Variants in BCL2L1 observed in about 807,000 individuals in gnomAD.
BCL2L1 encodes the protein BCL2 like 1, also known as bcl-2-like protein 1.
A neutral mutation model predicts 18.7 loss-of-function variants in BCL2L1; 1 was observed. The ratio of observed to expected loss-of-function variants is 0.05; its 90% CI spans 0.02 to 0.25. BCL2L1 has a LOEUF of 0.25. Among genes scored for constraint, BCL2L1 ranks in the 10% least tolerant of loss-of-function variants. The pLI, the probability that BCL2L1 is intolerant of heterozygous loss-of-function variation, is 1.00. For synonymous variants in BCL2L1, 103 were observed against 122.7 expected (o/e 0.84, Z 1.06); for missense variants, 207 against 304.9 (o/e 0.68, Z 2.39).
At position 31,664,916 on chromosome 20, in the gene BCL2L1, T is replaced by G. The variant is rs2060564772; in HGVS notation, c.*1033A>C. ...GCTGGACAGGCATGGGGCACAGATC[T>G]GCCTGGCCAGGCAGGACTGGCCCTT... is the stretch of plus-strand genomic sequence containing the variant. On this transcript the variant is annotated 3_prime_UTR_variant, in exon 3 of 3. Transcript: ENST00000307677. The G allele has an allele frequency of 4.8e-6, 1 of 209,796 alleles. No individual in the cohort carries two copies. The highest frequency in any genetic ancestry group is 7.1e-5 in the East Asian group (1 of 14,176). 13.0% of individuals were successfully genotyped at this position (209,796 alleles called of 1,614,324 possible).
At chr20:31,709,284 T>C (rs552477897) in intron 2 of BCL2L1, among the ~76,000 whole-genome samples, 14 of 152,278 alleles carry the variant, frequency 9.2e-5, no homozygotes, top group African/African-American at 3.4e-4. Flanking sequence ...CCTCCAGTTC[T>C]GTCTGGGTGG....
intron 2 of BCL2L1, among the ~76,000 whole-genome samples, chr20:31,683,725 C>T (rs906746449): frequency 1.1e-4 from 15 of 132,502 alleles, no homozygotes; most frequent in East Asian, 5.4e-4. Context: ...GCCGAGGCTG[C>T]GCCACTGCAC....
At chr20:31,698,019 C>A (rs2122680256) in intron 2 of BCL2L1, among the ~76,000 whole-genome samples, 1 of 151,568 alleles carries the variant, frequency 6.6e-6, no homozygotes, top group Admixed American at 6.6e-5. Flanking sequence ...TCCTGAGTAA[C>A]TGGGATGATA....
intron 2 of BCL2L1, among the ~76,000 whole-genome samples, chr20:31,676,000 A>C (rs1228210477): frequency 6.6e-6 from 1 of 152,208 alleles, no homozygotes; most frequent in Non-Finnish European, 1.5e-5. Context: ...TTCTCAGAAA[A>C]GGAAGCGGTT....
At chr20:31,701,637 GTACAGTGGTATATA>G (rs967532956) in intron 2 of BCL2L1, among the ~76,000 whole-genome samples, 16 of 152,146 alleles carry the variant, frequency 1.1e-4, no homozygotes, top group African/African-American at 3.9e-4. Context: ...CTTTTAAGTG[GTACAGTGGTATATA>G]TAAAAAATGA....
At chr20:31,672,935 C>T (rs1208544039) in intron 2 of BCL2L1, among the ~76,000 whole-genome samples, 2 of 152,088 alleles carry the variant, frequency 1.3e-5, no homozygotes, top group East Asian at 3.8e-4. Flanking sequence ...AAACTCCTGG[C>T]CTCATCCTCC....
intron 2 of BCL2L1, among the ~76,000 whole-genome samples, chr20:31,701,156 C>T (rs975538458): frequency 4.6e-5 from 7 of 152,022 alleles, no homozygotes; most frequent in African/African-American, 1.7e-4. Flanking sequence ...TGGGTTCAAG[C>T]GATTCTCCTG....
At chr20:31,686,656 G>A (rs2060960199) in intron 2 of BCL2L1, among the ~76,000 whole-genome samples, 1 of 152,056 alleles carries the variant, frequency 6.6e-6, no homozygotes, top group Non-Finnish European at 1.5e-5. Context: ...CCTGTTACTT[G>A]GACCCTCCAG....
At chr20:31,681,074 G>A (rs1837747445) in intron 2 of BCL2L1, among the ~76,000 whole-genome samples, 1 of 152,260 alleles carries the variant, frequency 6.6e-6, no homozygotes, top group Admixed American at 6.5e-5. Flanking sequence ...TCCAGTGAAT[G>A]TGAGGAGACT....
chr20:31,722,444 G>A lies in BCL2L1; in HGVS notation c.-130-96C>T, dbSNP rs200314289. ...GAACTGGTTTCTTTGTGGGTCTTAC[G>A]AAGGTCTGGGTCTAGGTTCCAAGAT... On this transcript the variant is annotated intron_variant, in intron 1 of 2. Transcript: ENST00000307677. 1.0e-5 allele frequency: 4 copies of A among 395,786 alleles called. No homozygotes were observed. The East Asian group carries it at 1.5e-4, about 15-fold the overall frequency. 24.5% of individuals were successfully genotyped at this position (395,786 alleles called of 1,614,324 possible).
chr20:31,684,945 C>T (rs150404501), intron 2 of BCL2L1, among the ~76,000 whole-genome samples: 1 of 152,224 alleles, frequency 6.6e-6, no homozygotes, highest in Non-Finnish European at 1.5e-5. Context: ...GTGAATAGGG[C>T]AAGACAAGTG....
chr20:31,667,711 A>AC (rs1015169687), intron 2 of BCL2L1, among the ~76,000 whole-genome samples: 10 of 151,176 alleles, frequency 6.6e-5, no homozygotes, highest in African/African-American at 2.4e-4. Flanking sequence ...AGTCTTGACA[A>AC]CCCCCTCAGT....
At chr20:31,713,152 G>T in intron 2 of BCL2L1, 2 of 660,544 alleles carry the variant, frequency 3.0e-6, no homozygotes, top group Non-Finnish European at 3.7e-6. Flanking sequence ...GGAAGTCCAG[G>T]ACTGAAACTG....
intron 2 of BCL2L1, among the ~76,000 whole-genome samples, chr20:31,672,979 C>T (rs1466686308): frequency 1.2e-4 from 18 of 151,784 alleles, no homozygotes. Context: ...GGATTATAGG[C>T]ATGAGCAACT....
chr20:31,705,820 A>G (rs1369172742), intron 2 of BCL2L1, among the ~76,000 whole-genome samples: 1 of 152,192 alleles, frequency 6.6e-6, no homozygotes, highest in Non-Finnish European at 1.5e-5. Flanking sequence ...AAACACCTGC[A>G]TGAACAAGCA....
intron 2 of BCL2L1, among the ~76,000 whole-genome samples, chr20:31,698,815 C>T (rs2061230710): frequency 6.6e-6 from 1 of 152,204 alleles, no homozygotes; most frequent in Non-Finnish European, 1.5e-5. Context: ...GCTCAGATTA[C>T]AGGCATGAGC....
At chr20:31,694,437 A>G (rs1471957626) in intron 2 of BCL2L1, among the ~76,000 whole-genome samples, 1 of 151,998 alleles carries the variant, frequency 6.6e-6, no homozygotes, top group African/African-American at 2.4e-5. Flanking sequence ...GGGCTCATCT[A>G]TCTAATGCTC....
intron 2 of BCL2L1, among the ~76,000 whole-genome samples, chr20:31,708,680 C>T (rs1189258561): frequency 6.6e-6 from 1 of 152,170 alleles, no homozygotes; most frequent in Non-Finnish European, 1.5e-5. Flanking sequence ...TAGGCCAGAA[C>T]CATGGGGGCC....
chr20:31,720,019 C>T lies in BCL2L1; in HGVS notation c.564+1636G>A, dbSNP rs1043432844. 1.0e-5 allele frequency: 9 copies of T among 896,130 alleles called. No individual in the cohort carries two copies. In the Admixed American group the frequency reaches 5.0e-4, roughly 49 times the overall value. The allele number at this position is 896,130 out of a possible 1,614,324, so 55.5% of individuals were successfully genotyped here. A position where few individuals can be genotyped will look rare whatever the true frequency, so the allele number is the denominator to read the frequency against. ...GGAACAGGAGAGGTCACTGCACAAA[C>T]CAACAGGAACTATTTAATCATTTAT... On this transcript the variant is annotated intron_variant, in intron 2 of 2. Coordinates refer to ENST00000307677, the MANE Select transcript of BCL2L1 (RefSeq NM_138578.3).
Sources: gnomAD v4.1 joint callset for allele counts (sites outside exome capture counted in the v4.1 genomes callset) on GRCh38, gnomAD v4.1.1 for gene constraint, MANE v1.5 for transcripts, NCBI Gene and HGNC (gene_info 2026-07-23, HGNC 2026-07-21) for gene names.